Variants in MROH2A observed in about 807,000 individuals in gnomAD.
MROH2A encodes the protein maestro heat like repeat family member 2A, also known as maestro heat-like repeat-containing protein family member 2A.
MROH2A carries 174 observed loss-of-function variants against 200.4 expected under a neutral mutation model. The observed-to-expected ratio is 0.87, with a 90% confidence interval of 0.77 to 0.98. The LOEUF (loss-of-function observed/expected upper bound fraction) is 0.98, where lower values mean the gene tolerates loss of function less well. Among genes scored for constraint, MROH2A ranks in the 50% least tolerant of loss-of-function variants. The probability of loss-of-function intolerance (pLI) is 0.00; values close to 1 mark genes in which losing one functional copy is unlikely to be tolerated. For missense variants in MROH2A, 2,045 were observed against 2,139.6 expected (o/e 0.96, Z 0.87); for synonymous variants, 829 against 840.4 (o/e 0.99, Z 0.23).
intron 15 of MROH2A, among the ~76,000 whole-genome samples, chr2:233,802,941 C>G (rs1051387660): frequency 2.6e-5 from 4 of 152,250 alleles, no homozygotes; most frequent in African/African-American, 7.2e-5. Flanking sequence ...ATGCCCCTCT[C>G]ACTCTTGACT....
chr2:233,804,987 G>A lies in MROH2A; in HGVS notation c.1945-17G>A, dbSNP rs906455890. ...AAGGCCTTTGGCCCTTCTCACCAAC[G>A]TCTTGTGCCTCCCCAGTTTCTGCGA... On this transcript the variant is annotated splice_polypyrimidine_tract_variant and intron_variant, in intron 18 of 41. Coordinates refer to ENST00000389758, the MANE Select transcript of MROH2A (RefSeq NM_001394639.1). 24 of 1,517,222 alleles carry A rather than the reference G, an allele frequency of 1.6e-5. No homozygotes were observed. The African/African-American group carries it at 2.1e-4, about 13-fold the overall frequency. 94.0% of individuals were successfully genotyped at this position (1,517,222 alleles called of 1,614,324 possible).
intron 16 of MROH2A, among the ~76,000 whole-genome samples, 169 bp downstream of exon 16, chr2:233,803,657 C>T (rs73112612): frequency 0.011 from 1,623 of 152,302 alleles, 30 homozygotes; most frequent in African/African-American, 0.037. Context: ...AAATTCCTCT[C>T]GAGTTTGGTA....
At position 233,823,728 on chromosome 2, in the gene MROH2A, C is replaced by T. The variant is rs192279872; in HGVS notation, c.4113+64C>T. 67 of 1,523,818 alleles carry T rather than the reference C, an allele frequency of 4.4e-5. No homozygotes were observed. In the East Asian group the frequency reaches 1.6e-3, roughly 36 times the overall value. 94.4% of individuals were successfully genotyped at this position (1,523,818 alleles called of 1,614,324 possible). A position where few individuals can be genotyped will look rare whatever the true frequency, so the allele number is the denominator to read the frequency against. Reference sequence around the variant, plus strand: ...GAGGGGATGGGGTCCCTGGATTCTTCTGGGGATGGCTTGTCTCCAAGGCAT... The same window carrying T: ...GAGGGGATGGGGTCCCTGGATTCTTTTGGGGATGGCTTGTCTCCAAGGCAT... On this transcript the variant is annotated intron_variant, in intron 35 of 41. Transcript: ENST00000389758.
chr2:233,801,337 G>C (rs563095935), intron 14 of MROH2A, among the ~76,000 whole-genome samples: 11 of 151,962 alleles, frequency 7.2e-5, no homozygotes, highest in Admixed American at 7.2e-4. Flanking sequence ...GGGTGGAGAG[G>C]GATTATAATT....
chr2:233,816,839 T>C lies in MROH2A; in HGVS notation c.2915T>C (p.Leu972Pro), dbSNP rs755684077. The C allele has an allele frequency of 1.3e-6, 2 of 1,550,308 alleles. No individual in the cohort carries two copies. The highest frequency in any genetic ancestry group is 1.7e-6 in the Non-Finnish European group (2 of 1,146,812). The change falls in exon 27 of 42, where the codon CTC becomes CCC. Residue 972 changes from leucine (L) to proline (P), a missense_variant. Coordinates refer to ENST00000389758, the MANE Select transcript of MROH2A (RefSeq NM_001394639.1). ...KEWEREKAVS[L>P]HLYLMWIYVH... ...TGGGAGCGGGAAAAGGCCGTGAGCC[T>C]CCATCTCTATCTCATGTGGATTTAT...
intron 41 of MROH2A, 87 bp downstream of exon 41, chr2:233,832,731 A>C: frequency 1.6e-6 from 1 of 623,616 alleles, no homozygotes; most frequent in Non-Finnish European, 2.8e-6. Flanking sequence ...GGGAAGAGCC[A>C]GAGGACCCTT....
chr2:233,798,962 C>T (rs1408980195), intron 12 of MROH2A, 112 bp downstream of exon 12: 6 of 840,880 alleles, frequency 7.1e-6, no homozygotes, highest in Non-Finnish European at 1.2e-5. Flanking sequence ...CCCGGCTTTC[C>T]ATCGGGTCTC....
chr2:233,801,888 G>A (rs1209889427), intron 14 of MROH2A, among the ~76,000 whole-genome samples: 1 of 152,210 alleles, frequency 6.6e-6, no homozygotes, highest in African/African-American at 2.4e-5. Flanking sequence ...TTTGATGAGT[G>A]TGGGTTTGTA....
In MROH2A at chr2:233,833,127, T is replaced by G; in HGVS notation, c.4904-11T>G. 1 of 1,534,354 alleles carries G rather than the reference T, an allele frequency of 6.5e-7. No homozygotes were observed. Among genetic ancestry groups the G allele is most frequent in the Non-Finnish European group, 8.8e-7 (1 of 1,141,054 alleles). On this transcript the variant is annotated splice_polypyrimidine_tract_variant and intron_variant, in intron 41 of 41. Coordinates refer to ENST00000389758, the MANE Select transcript of MROH2A (RefSeq NM_001394639.1). ...GGGGCCTGAACCTTCCCTCTTTGTGTTCTCTCTCAGCCCTCCAGGAACTAC... is the reference window on the plus strand; with the variant it reads ...GGGGCCTGAACCTTCCCTCTTTGTGGTCTCTCTCAGCCCTCCAGGAACTAC...
rs1377597361 is a variant in MROH2A at position 233,792,849 on chromosome 2, C to G, written c.625C>G (p.Leu209Val). 2 of 1,550,576 alleles carry G rather than the reference C, an allele frequency of 1.3e-6. No homozygotes were observed. The highest frequency in any genetic ancestry group is 4.9e-5 in the East Asian group (2 of 40,920). ...GITLATIFTM[L>V]RLANEAKIRQ... is the part of the protein sequence containing the mutation. The stretch of plus-strand genomic sequence containing the variant: ...CACCCTGGCTACCATATTCACCATG[C>G]TGAGACTTGCCAATGAAGCCAAGAT... Residue 209 changes from leucine to valine, a missense_variant, in exon 6 of 42, where the codon CTG becomes GTG. Coordinates refer to ENST00000389758, the MANE Select transcript of MROH2A (RefSeq NM_001394639.1).
intron 21 of MROH2A, among the ~76,000 whole-genome samples, chr2:233,808,852 G>C (rs12053058): frequency 0.7 from 106,198 of 152,136 alleles, 37,354 homozygotes; most frequent in African/African-American, 0.75. Flanking sequence ...CCCCCCACAG[G>C]TGATGGGTGG....
intron 3 of MROH2A, among the ~76,000 whole-genome samples, chr2:233,787,588 TATATATATTATATATTATATATATC>T (rs1701298934): frequency 9.9e-5 from 2 of 20,152 alleles, no homozygotes; most frequent in Admixed American, 7.3e-4. Context: ...CATATATACA[TATATATATTATATATTATATATATC>T]ATATATACAT....
At chr2:233,832,386 TGA>T in intron 40 of MROH2A, 107 bp downstream of exon 40, 1 of 1,051,168 alleles carries the variant, frequency 9.5e-7, no homozygotes, top group Non-Finnish European at 1.4e-6. Context: ...TGTGGCAAGC[TGA>T]GACCAGAGCT....
chr2:233,787,406 AACAC>A (rs149271880), intron 3 of MROH2A, among the ~76,000 whole-genome samples: 2,636 of 127,246 alleles, frequency 0.021, 108 homozygotes, highest in Non-Finnish European at 0.028. Flanking sequence ...GGATATGTAT[AACAC>A]ACACACACAC....
upstream of MROH2A, among the ~76,000 whole-genome samples, chr2:233,776,056 T>C (rs1182520724): frequency 1.3e-5 from 2 of 152,232 alleles, no homozygotes; most frequent in African/African-American, 4.8e-5. Flanking sequence ...TGTGAGTCCA[T>C]GAAACCTCTT....
chr2:233,803,051 G>C (rs1702570448), intron 15 of MROH2A, among the ~76,000 whole-genome samples: 1 of 152,166 alleles, frequency 6.6e-6, no homozygotes, highest in South Asian at 2.1e-4. Flanking sequence ...TGCTTTTCCT[G>C]GGCTCATTGG....
Position 233,795,679 on chromosome 2 carries a change from A to C in MROH2A, c.993A>C (p.Ser331=). Residue 331 remains serine (S), a synonymous_variant, in exon 9 of 42, where the codon TCA becomes TCC. Transcript: ENST00000389758. ...TQVLRQILEL[S]VTTNTPVPQM... is the part of the protein sequence containing the mutation. ...TCTTGAGGCAGATCCTGGAACTGTC[A>C]GTCACCACCAACACCCCTGTCCCCC... 6.4e-7 allele frequency: 1 copy of C among 1,551,006 alleles called. No homozygotes were observed. The highest frequency in any genetic ancestry group is 8.7e-7 in the Non-Finnish European group (1 of 1,146,996).
intron 39 of MROH2A, 144 bp from the exon 40 acceptor site, chr2:233,832,033 G>A (rs1325717951): frequency 7.7e-6 from 5 of 650,168 alleles, no homozygotes; most frequent in Non-Finnish European, 1.3e-5. Context: ...TCCTTCACTT[G>A]CCAGCTACTC....
intron 6 of MROH2A, among the ~76,000 whole-genome samples, 171 bp downstream of exon 6, chr2:233,793,065 G>T (rs567347999): frequency 7.9e-5 from 12 of 152,162 alleles, no homozygotes; most frequent in Non-Finnish European, 1.8e-4. Flanking sequence ...GGCTGCCTGG[G>T]GCACAAGAGG....
Sources: allele counts gnomAD v4.1 joint callset (sites outside exome capture counted in the v4.1 genomes callset), GRCh38; gene constraint gnomAD v4.1.1; transcripts MANE v1.5; gene names NCBI Gene and HGNC (gene_info 2026-07-23, HGNC 2026-07-21).